Variants in CR1 observed in about 807,000 individuals in gnomAD.
CR1 encodes complement C3b/C4b receptor 1 (Knops blood group).
CR1 carries 116 observed loss-of-function variants against 187.3 expected under a neutral mutation model. The ratio of observed to expected loss-of-function variants is 0.62; its 90% confidence interval spans 0.53 to 0.72. The LOEUF is 0.72. Among genes scored for constraint, CR1 ranks in the 30% least tolerant of loss-of-function variants. The probability of loss-of-function intolerance (pLI) is 0.00; values close to 1 mark genes in which losing one functional copy is unlikely to be tolerated. For missense variants in CR1, 1,731 were observed against 2,110.7 expected (o/e 0.82, Z 3.52); for synonymous variants, 576 against 747.1 (o/e 0.77, Z 3.73).
At chr1:207,515,162 CATATATAGGTATATACATATAT>C (rs796169085) in intron 4 of CR1, among the ~76,000 whole-genome samples, 1,369 of 51,824 alleles carry the variant, frequency 0.026, no homozygotes, top group South Asian at 0.079. Context: ...TATACATATA[CATATATAGGTATATACATATAT>C]ACGTATATAT....
At chr1:207,593,794 G>A (rs370714083) in intron 35 of CR1, among the ~76,000 whole-genome samples, 39 of 152,112 alleles carry the variant, frequency 2.6e-4, no homozygotes, top group African/African-American at 8.2e-4. Context: ...AGAGGGCAAA[G>A]GATATGAACA....
At chr1:207,518,391 A>G (rs1252024296) in intron 4 of CR1, among the ~76,000 whole-genome samples, 1 of 152,218 alleles carries the variant, frequency 6.6e-6, no homozygotes, top group Admixed American at 6.5e-5. Context: ...TCATTTAGGA[A>G]AATGTGGTTT....
At chr1:207,634,864 CA>C (rs916812487) in intron 46 of CR1, among the ~76,000 whole-genome samples, 18 of 152,030 alleles carry the variant, frequency 1.2e-4, no homozygotes. Flanking sequence ...ACAACAGAAT[CA>C]AAAAAACATT....
At chr1:207,567,643 T>C (rs1439071936) in intron 24 of CR1, among the ~76,000 whole-genome samples, 181 bp from the exon 25 acceptor site, 1 of 150,494 alleles carries the variant, frequency 6.6e-6, no homozygotes, top group African/African-American at 2.5e-5. Context: ...TAGACAAATC[T>C]CTTTTGTACT....
intron 41 of CR1, among the ~76,000 whole-genome samples, chr1:207,617,782 A>C (rs973376742): frequency 6.6e-4 from 100 of 151,434 alleles, no homozygotes; most frequent in African/African-American, 2.4e-3. Context: ...TCCATCTTCC[A>C]GTAAGGACAG....
intron 1 of CR1, among the ~76,000 whole-genome samples, chr1:207,499,888 G>C (rs770963997): frequency 2.6e-5 from 4 of 152,152 alleles, no homozygotes; most frequent in Non-Finnish European, 5.9e-5. Flanking sequence ...AACATCAAAA[G>C]TGTCCTACAC....
At chr1:207,584,559 C>A in intron 32 of CR1, 90 bp from the exon 33 acceptor site, 1 of 1,457,752 alleles carries the variant, frequency 6.9e-7, no homozygotes, top group Non-Finnish European at 9.3e-7. Flanking sequence ...GCTTAATTGG[C>A]AACACAGTCA....
chr1:207,591,162 A>C (rs979881498), intron 35 of CR1, among the ~76,000 whole-genome samples: 2 of 152,202 alleles, frequency 1.3e-5, no homozygotes, highest in African/African-American at 4.8e-5. Flanking sequence ...TCTTCTCAGC[A>C]CCACATAGCA....
chr1:207,618,313 T>C (rs1362658677), intron 42 of CR1, 66 bp downstream of exon 42: 1 of 1,423,450 alleles, frequency 7.0e-7, no homozygotes, highest in African/African-American at 1.4e-5. Flanking sequence ...CTTGTAAGGC[T>C]GAGAGACATT....
intron 35 of CR1, among the ~76,000 whole-genome samples, chr1:207,597,174 G>A (rs1374656255): frequency 2.0e-5 from 3 of 151,370 alleles, no homozygotes; most frequent in Non-Finnish European, 2.9e-5. Context: ...CAAGAATGGA[G>A]TTTGTTTTGT....
chr1:207,567,911 A>T lies in CR1; in HGVS notation c.4040A>T (p.Asn1347Ile), dbSNP rs745504173. 6.2e-7 allele frequency: 1 copy of T among 1,610,600 alleles called. No homozygotes were observed. Among genetic ancestry groups the T allele is most frequent in the Admixed American group, 1.7e-5 (1 of 59,936 alleles). Residue 1347 changes from asparagine (N) to isoleucine (I), a missense_variant, in exon 25 of 47, where the codon AAT becomes ATT. By Grantham distance (149) the Asn-to-Ile change is moderately radical. This residue lies in a region of CR1 where 1,312 missense variants were observed against 1,379.6 expected (regional missense o/e 0.95). Transcript: ENST00000367049. ...GTCTTTCCCTTTGGAAAAGCAGTAA[A>T]TTACACATGCGACCCCCACCCAGAC... ...LEVFPFGKAV[N>I]YTCDPHPDRG...
chr1:207,598,240 A>G (rs968733120), intron 35 of CR1, among the ~76,000 whole-genome samples: 2 of 152,208 alleles, frequency 1.3e-5, no homozygotes, highest in Admixed American at 1.3e-4. Context: ...GGCAAATTTT[A>G]TGTTGTATCT....
intron 46 of CR1, among the ~76,000 whole-genome samples, chr1:207,638,790 C>T: frequency 6.6e-6 from 1 of 152,236 alleles, no homozygotes; most frequent in Non-Finnish European, 1.5e-5. Context: ...CAGACTTAGA[C>T]TTGATCTACC....
In CR1 at chr1:207,639,486, G is replaced by T; in HGVS notation, c.*77G>T. 2.9e-6 allele frequency: 4 copies of T among 1,391,874 alleles called. No individual in the cohort carries two copies. Among genetic ancestry groups the T allele is most frequent in the Non-Finnish European group, 4.0e-6 (4 of 1,001,710 alleles). The allele number at this position is 1,391,874 out of a possible 1,614,324, so 86.2% of individuals were successfully genotyped here. A position where few individuals can be genotyped will look rare whatever the true frequency, so the allele number is the denominator to read the frequency against. On this transcript the variant is annotated 3_prime_UTR_variant, in exon 47 of 47. Transcript: ENST00000367049. The stretch of plus-strand genomic sequence containing the variant: ...GAGCCAATTGATTTCAACAGAATCA[G>T]ATCTGAGCTTCATAAAGTCTTTGAA...
At chr1:207,522,669 C>A (rs1660033843) in intron 4 of CR1, among the ~76,000 whole-genome samples, 2 of 152,120 alleles carry the variant, frequency 1.3e-5, no homozygotes, top group Admixed American at 6.5e-5. Flanking sequence ...GTATTTCTAG[C>A]CTTTCTTGAG....
At chr1:207,600,257 A>C (rs1661567441) in intron 35 of CR1, among the ~76,000 whole-genome samples, 1 of 152,208 alleles carries the variant, frequency 6.6e-6, no homozygotes, top group South Asian at 2.1e-4. Flanking sequence ...ATGCAAAGTC[A>C]GAGAATTTTC....
intron 23 of CR1, 149 bp from the exon 24 acceptor site, chr1:207,565,689 A>AT (rs1660471959): frequency 1.9e-6 from 2 of 1,027,020 alleles, no homozygotes; most frequent in Non-Finnish European, 2.9e-6. Context: ...GGAGGCTGTG[A>AT]TTTTTCCAGA....
chr1:207,588,627 G>A (rs752155095), intron 34 of CR1, 48 bp from the exon 35 acceptor site: 9 of 1,279,468 alleles, frequency 7.0e-6, no homozygotes, highest in Admixed American at 1.8e-5. Context: ...ACCTTACAAA[G>A]GTAAGTTGAA....
chr1:207,506,255 G>A (rs543246059), intron 2 of CR1, among the ~76,000 whole-genome samples, 172 bp downstream of exon 2: 7 of 152,278 alleles, frequency 4.6e-5, no homozygotes, highest in East Asian at 3.9e-4. Context: ...AGTTCCTGGC[G>A]CCTTCATTAA....
Sources: allele counts gnomAD v4.1 joint callset (sites outside exome capture counted in the v4.1 genomes callset), GRCh38; gene constraint gnomAD v4.1.1; regional missense constraint gnomAD v4.1.1; transcripts MANE v1.5; gene names NCBI Gene and HGNC (gene_info 2026-07-23, HGNC 2026-07-21).